SLC5A3: variants seen among roughly 807,000 people sequenced by gnomAD.
SLC5A3 encodes solute carrier family 5 member 3, also known as sodium/myo-inositol cotransporter.
In SLC5A3, 10 loss-of-function variants were observed where a neutral mutation model predicts 43.2. The ratio of observed to expected loss-of-function variants is 0.23; its 90% CI spans 0.14 to 0.39. The LOEUF is 0.39. Among genes scored for constraint, SLC5A3 ranks in the 10% least tolerant of loss-of-function variants. The pLI, the probability that SLC5A3 is intolerant of heterozygous loss-of-function variation, is 1.00. For synonymous variants in SLC5A3, 349 were observed against 322.0 expected, an observed-to-expected ratio of 1.08 and a Z score of -0.90; for missense variants, 608 against 893.4, an observed-to-expected ratio of 0.68 and a Z score of 4.07.
At chr21:34,079,602 A>AT (rs398036389) in intron 1 of SLC5A3, among the ~76,000 whole-genome samples, 603 of 43,660 alleles carry the variant, frequency 0.014, 36 homozygotes, top group African/African-American at 0.034. Context: ...GACCCAGCTA[A>AT]TTTTTTTTTT....
At chr21:34,081,550 C>T (rs1049368866) in intron 1 of SLC5A3, among the ~76,000 whole-genome samples, 1 of 152,134 alleles carries the variant, frequency 6.6e-6, no homozygotes, top group African/African-American at 2.4e-5. Flanking sequence ...TAAACAAAGA[C>T]TGGCATTGGG....
At position 34,098,832 on chromosome 21, in the gene SLC5A3, G is replaced by C; in HGVS notation, c.*1477G>C. The C allele has an allele frequency of 1.0e-6, 1 of 999,900 alleles. No individual in the cohort carries two copies. The highest frequency in any genetic ancestry group is 1.7e-5 in the African/African-American group (1 of 57,346). The allele number at this position is 999,900 out of a possible 1,614,324, so 61.9% of individuals were successfully genotyped here. A position where few individuals can be genotyped will look rare whatever the true frequency, so the allele number is the denominator to read the frequency against. On this transcript the variant is annotated 3_prime_UTR_variant, in exon 2 of 2. Coordinates refer to ENST00000381151, the MANE Select transcript of SLC5A3 (RefSeq NM_006933.7). Reference sequence around the variant, plus strand: ...TCTGTGTCTTCGTATGCTCAACACTGTCCTTTGTCCTCCATGAAAGATGAA... The same window carrying C: ...TCTGTGTCTTCGTATGCTCAACACTCTCCTTTGTCCTCCATGAAAGATGAA...
In SLC5A3 at chr21:34,105,802, G is replaced by T; in HGVS notation, c.*8447G>T. 1.0e-6 allele frequency: 1 copy of T among 996,202 alleles called. No homozygotes were observed. The highest frequency in any genetic ancestry group is 1.2e-6 in the Non-Finnish European group (1 of 826,530). The allele number at this position is 996,202 out of a possible 1,614,324, so 61.7% of individuals were successfully genotyped here. On this transcript the variant is annotated 3_prime_UTR_variant, in exon 2 of 2. Transcript: ENST00000381151. The stretch of plus-strand genomic sequence containing the variant: ...CATCTCATTGTACAGTGTTTTAGTT[G>T]CAAGCAGAAAGTAGAATTTGGTATA...
Position 34,099,091 on chromosome 21 carries a change from C to G in SLC5A3, c.*1736C>G. ...AAATTGTCAGGTAGCATAGTGTCTTCCCATGATCAGGAGGCTTTCTGAAGG... is the reference window on the plus strand; with the variant it reads ...AAATTGTCAGGTAGCATAGTGTCTTGCCATGATCAGGAGGCTTTCTGAAGG... On this transcript the variant is annotated 3_prime_UTR_variant, in exon 2 of 2. Transcript: ENST00000381151. 2 of 999,540 alleles carry G rather than the reference C, an allele frequency of 2.0e-6. No individual in the cohort carries two copies. Among genetic ancestry groups the G allele is most frequent in the South Asian group, 9.4e-5 (2 of 21,262 alleles). The allele number at this position is 999,540 out of a possible 1,614,324, so 61.9% of individuals were successfully genotyped here.
In SLC5A3 at chr21:34,098,229, C is replaced by T. The variant is rs1350038903; in HGVS notation, c.*874C>T. 15 of 998,830 alleles carry T rather than the reference C, an allele frequency of 1.5e-5. No homozygotes were observed. The highest frequency in any genetic ancestry group is 1.7e-5 in the African/African-American group (1 of 57,208). 61.9% of individuals were successfully genotyped at this position (998,830 alleles called of 1,614,324 possible). The stretch of plus-strand genomic sequence containing the variant: ...AACTTATGCTAATCAGATGATTACT[C>T]ATATATTCTGCTAATTTTCTAGCTT... On this transcript the variant is annotated 3_prime_UTR_variant, in exon 2 of 2. Coordinates refer to ENST00000381151, the MANE Select transcript of SLC5A3 (RefSeq NM_006933.7).
intron 1 of SLC5A3, among the ~76,000 whole-genome samples, chr21:34,092,125 C>CATAT (rs143732686): frequency 0.041 from 6,065 of 149,370 alleles, 177 homozygotes; most frequent in Admixed American, 0.069. Context: ...GGAAGAAAAA[C>CATAT]ATATATATAT....
intron 1 of SLC5A3, among the ~76,000 whole-genome samples, chr21:34,074,214 C>G (rs1989265597): frequency 6.6e-6 from 1 of 150,862 alleles, no homozygotes; most frequent in Admixed American, 6.6e-5. Context: ...TGCCGCCGAC[C>G]GCCTCCGCTC....
At chr21:34,086,802 C>T (rs1198722437) in intron 1 of SLC5A3, among the ~76,000 whole-genome samples, 1 of 7,728 alleles carries the variant, frequency 1.3e-4, no homozygotes, top group Non-Finnish European at 2.3e-4. Context: ...TTTGTGGGAA[C>T]TCTGAACTCA....
Position 34,103,816 on chromosome 21 carries a change from T to C in SLC5A3, c.*6461T>C, listed in dbSNP as rs1259172838. The C allele has an allele frequency of 1.0e-6, 1 of 999,992 alleles. No homozygotes were observed. Among genetic ancestry groups the C allele is most frequent in the Non-Finnish European group, 1.2e-6 (1 of 829,954 alleles). 61.9% of individuals were successfully genotyped at this position (999,992 alleles called of 1,614,324 possible). ...TTGATGGAGGGAGAGAATATAAATGTCAAGAATGCCAAAATTATATTTGGG... is the reference window on the plus strand; with the variant it reads ...TTGATGGAGGGAGAGAATATAAATGCCAAGAATGCCAAAATTATATTTGGG... On this transcript the variant is annotated 3_prime_UTR_variant, in exon 2 of 2. Coordinates refer to ENST00000381151, the MANE Select transcript of SLC5A3 (RefSeq NM_006933.7).
chr21:34,102,557 T>G lies in SLC5A3; in HGVS notation c.*5202T>G. 1.0e-6 allele frequency: 1 copy of G among 1,000,032 alleles called. No individual in the cohort carries two copies. Among genetic ancestry groups the G allele is most frequent in the Non-Finnish European group, 1.2e-6 (1 of 829,768 alleles). The allele number at this position is 1,000,032 out of a possible 1,614,324, so 61.9% of individuals were successfully genotyped here. A position where few individuals can be genotyped will look rare whatever the true frequency, so the allele number is the denominator to read the frequency against. ...TCATTGCTAATCTTGTGCACTTTAC[T>G]TTTTGGGCAGTACCATACATAGTCT... is the stretch of plus-strand genomic sequence containing the variant. On this transcript the variant is annotated 3_prime_UTR_variant, in exon 2 of 2. Coordinates refer to ENST00000381151, the MANE Select transcript of SLC5A3 (RefSeq NM_006933.7).
chr21:34,105,748 T>C lies in SLC5A3; in HGVS notation c.*8393T>C. 1.0e-6 allele frequency: 1 copy of C among 998,618 alleles called. No individual in the cohort carries two copies. The allele number at this position is 998,618 out of a possible 1,614,324, so 61.9% of individuals were successfully genotyped here. On this transcript the variant is annotated 3_prime_UTR_variant, in exon 2 of 2. Coordinates refer to ENST00000381151, the MANE Select transcript of SLC5A3 (RefSeq NM_006933.7). ...TTTACCTTCTGTTGTCTACAGCTTT[T>C]TTAATTTTAAGGTTTGACTAATTGT...
Position 34,103,281 on chromosome 21 carries a change from T to C in SLC5A3, c.*5926T>C. 1 of 994,824 alleles carries C rather than the reference T, an allele frequency of 1.0e-6. No individual in the cohort carries two copies. The highest frequency in any genetic ancestry group is 1.2e-6 in the Non-Finnish European group (1 of 827,088). The allele number at this position is 994,824 out of a possible 1,614,324, so 61.6% of individuals were successfully genotyped here. A position where few individuals can be genotyped will look rare whatever the true frequency, so the allele number is the denominator to read the frequency against. ...TTAACAGAAAATTTGTATTTGTTAT[T>C]CCTCTTAAATTTTGTCGTAACTAGT... On this transcript the variant is annotated 3_prime_UTR_variant, in exon 2 of 2. Transcript: ENST00000381151.
chr21:34,079,448 T>TA (rs1352929526), intron 1 of SLC5A3, among the ~76,000 whole-genome samples: 10 of 152,018 alleles, frequency 6.6e-5, no homozygotes, highest in Admixed American at 3.9e-4. Context: ...TTCTTTCTGT[T>TA]TTTTTGAGAC....
In SLC5A3 at chr21:34,103,325, A is replaced by AG. The variant is rs532811229; in HGVS notation, c.*5970_*5971insG. The AG allele has an allele frequency of 2.0e-6, 2 of 999,154 alleles. No individual in the cohort carries two copies. Among genetic ancestry groups the AG allele is most frequent in the African/African-American group, 3.5e-5 (2 of 57,214 alleles). The allele number at this position is 999,154 out of a possible 1,614,324, so 61.9% of individuals were successfully genotyped here. ...AACTAGTGAAGGAAGTAAAAAAAAA[A>AG]AAAAAACATGCATTACATTGACATA... On this transcript the variant is annotated 3_prime_UTR_variant, in exon 2 of 2. Transcript: ENST00000381151.
rs147941537 is a variant in SLC5A3, at chr21:34,100,337, G to T, written c.*2982G>T. Reference sequence around the variant, plus strand: ...ATTTTGTGGGACCTCTAATTTCCCTGGTCATCTTTCAGAATATTCTGTTCT... The same window carrying T: ...ATTTTGTGGGACCTCTAATTTCCCTTGTCATCTTTCAGAATATTCTGTTCT... On this transcript the variant is annotated 3_prime_UTR_variant, in exon 2 of 2. Transcript: ENST00000381151. 1.5e-4 allele frequency: 148 copies of T among 1,000,122 alleles called. No homozygotes were observed. The East Asian group carries it at 7.5e-3, about 51-fold the overall frequency. 62.0% of individuals were successfully genotyped at this position (1,000,122 alleles called of 1,614,324 possible). A position where few individuals can be genotyped will look rare whatever the true frequency, so the allele number is the denominator to read the frequency against.
rs540901182 is a variant in SLC5A3 at position 34,100,575 on chromosome 21, C to T, written c.*3220C>T. ...TGTATTTTGGCACAAAGAGCCTGGC[C>T]AGGGTCATGTAGCCATAGCTCTTAG... On this transcript the variant is annotated 3_prime_UTR_variant, in exon 2 of 2. Coordinates refer to ENST00000381151, the MANE Select transcript of SLC5A3 (RefSeq NM_006933.7). 96 of 1,000,232 alleles carry T rather than the reference C, an allele frequency of 9.6e-5. 1 individual carries two copies. The African/African-American group carries it at 1.6e-3, about 17-fold the overall frequency. The allele number at this position is 1,000,232 out of a possible 1,614,324, so 62.0% of individuals were successfully genotyped here.
In SLC5A3 at chr21:34,102,274, T is replaced by C. The variant is rs1290543864; in HGVS notation, c.*4919T>C. 2.0e-6 allele frequency: 2 copies of C among 999,594 alleles called. No homozygotes were observed. The highest frequency in any genetic ancestry group is 2.4e-6 in the Non-Finnish European group (2 of 829,636). 61.9% of individuals were successfully genotyped at this position (999,594 alleles called of 1,614,324 possible). A position where few individuals can be genotyped will look rare whatever the true frequency, so the allele number is the denominator to read the frequency against. On this transcript the variant is annotated 3_prime_UTR_variant, in exon 2 of 2. Coordinates refer to ENST00000381151, the MANE Select transcript of SLC5A3 (RefSeq NM_006933.7). ...CACACCATTATTCACTTAGTAGTCA[T>C]ATAAATGTTTTTATTTAAACTTCTC...
In SLC5A3 at chr21:34,073,650, GC is replaced by G; in HGVS notation, c.-431del. The stretch of plus-strand genomic sequence containing the variant: ...ACTGTCCCCGCCGTCCCGCCCCTTC[GC>G]GTCCCGGGAACCGGCTGGCTTCCGA... On this transcript the variant is annotated 5_prime_UTR_variant, in exon 1 of 2. Transcript: ENST00000381151. The G allele has an allele frequency of 6.7e-7, 1 of 1,489,582 alleles. No individual in the cohort carries two copies. The highest frequency in any genetic ancestry group is 9.1e-7 in the Non-Finnish European group (1 of 1,102,860). 92.3% of individuals were successfully genotyped at this position (1,489,582 alleles called of 1,614,324 possible).
At chr21:34,088,324 G>C (rs1978502658) in intron 1 of SLC5A3, among the ~76,000 whole-genome samples, 1 of 152,188 alleles carries the variant, frequency 6.6e-6, no homozygotes, top group Admixed American at 6.5e-5. Flanking sequence ...GTTGAACTTG[G>C]ATGGTGAGAA....
Sources: gnomAD v4.1 joint callset for allele counts (sites outside exome capture counted in the v4.1 genomes callset) on GRCh38, gnomAD v4.1.1 for gene constraint, MANE v1.5 for transcripts, NCBI Gene and HGNC (gene_info 2026-07-23, HGNC 2026-07-21) for gene names.